The following ZNFX1 variants were observed in gnomAD, a reference collection of about 807,000 sequenced individuals.
ZNFX1 encodes the protein NFX1-type zinc finger-containing protein 1.
In ZNFX1, 78 loss-of-function variants were observed where a neutral mutation model predicts 179.8. The ratio of observed to expected loss-of-function variants is 0.43; its 90% CI spans 0.36 to 0.52. ZNFX1 has a LOEUF of 0.52. Ranked by LOEUF, ZNFX1 falls within the 20% of genes least tolerant of loss-of-function variation. The pLI is 0.00. For synonymous variants in ZNFX1, 848 were observed against 868.5 expected (o/e 0.98, Z 0.42); for missense variants, 1,927 against 2,386.6 (o/e 0.81, Z 4.01).
chr20:49,266,023 G>C, intron 4 of ZNFX1, 112 bp downstream of exon 4: 1 of 1,232,920 alleles, frequency 8.1e-7, no homozygotes, highest in Non-Finnish European at 1.2e-6. Context: ...GGCCATGTAA[G>C]TAATGATAAG....
chr20:49,255,744 G>A, intron 9 of ZNFX1, 64 bp downstream of exon 9: 4 of 1,527,780 alleles, frequency 2.6e-6, no homozygotes, highest in Non-Finnish European at 3.5e-6. Context: ...CTTGGAGGTG[G>A]AGAATGTTCT....
rs1980679426 is a variant in ZNFX1 at position 49,246,673 on chromosome 20, G to C, written c.*594C>G. 2.8e-6 allele frequency: 1 copy of C among 356,212 alleles called. No individual in the cohort carries two copies. Among genetic ancestry groups the C allele is most frequent in the Admixed American group, 3.9e-5 (1 of 25,936 alleles). 22.1% of individuals were successfully genotyped at this position (356,212 alleles called of 1,614,324 possible). A position where few individuals can be genotyped will look rare whatever the true frequency, so the allele number is the denominator to read the frequency against. On this transcript the variant is annotated 3_prime_UTR_variant, in exon 14 of 14. Coordinates refer to ENST00000396105, the MANE Select transcript of ZNFX1 (RefSeq NM_021035.3). Reference sequence around the variant, plus strand: ...AAGTAAAGACCCAGAGATACCACTAGGTGGCCCTAGGTGGAAGCCCCAAAC... The same window carrying C: ...AAGTAAAGACCCAGAGATACCACTACGTGGCCCTAGGTGGAAGCCCCAAAC...
rs1293673384 is a variant in ZNFX1 at position 49,247,233 on chromosome 20, T to C, written c.*34A>G. The C allele has an allele frequency of 2.6e-6, 4 of 1,555,894 alleles. No individual in the cohort carries two copies. The Admixed American group carries it at 7.7e-5, about 30-fold the overall frequency. On this transcript the variant is annotated 3_prime_UTR_variant, in exon 14 of 14. Coordinates refer to ENST00000396105, the MANE Select transcript of ZNFX1 (RefSeq NM_021035.3). The stretch of plus-strand genomic sequence containing the variant: ...TAGGGAGCTGGCCCCAGTCATTCAG[T>C]GGCGAGGGCAAAAGGCAGTGGTGTA...
At position 49,257,523 on chromosome 20, in the gene ZNFX1, T is replaced by A; in HGVS notation, c.2558A>T (p.Glu853Val). The A allele has an allele frequency of 1.2e-6, 2 of 1,613,872 alleles. No homozygotes were observed. The highest frequency in any genetic ancestry group is 1.1e-5 in the South Asian group (1 of 91,062). ...AGCCAACTCCTGGTCTGCTCCACTC[T>A]CTTCCTTCTTCCGCCGCTGGGGCCT... ...VVRPQRRKKE[E>V]SGADQELAKM... Residue 853 changes from glutamate (E) to valine (V), a missense_variant, in exon 8 of 14, where the codon GAG (glutamate) becomes GTG (valine). By Grantham distance (121) the Glu-to-Val change is moderately radical. Transcript: ENST00000396105.
At position 49,260,444 on chromosome 20, in the gene ZNFX1, GA is replaced by G; in HGVS notation, c.2416+18del. The stretch of plus-strand genomic sequence containing the variant: ...ATTCTACGTTAAGATTTGATTCTAG[GA>G]AGACATGCACTTCTTACCTGTATTC... On this transcript the variant is annotated intron_variant, in intron 7 of 13. Coordinates refer to ENST00000396105, the MANE Select transcript of ZNFX1 (RefSeq NM_021035.3). 6.5e-7 allele frequency: 1 copy of G among 1,547,702 alleles called. No homozygotes were observed. The highest frequency in any genetic ancestry group is 8.9e-7 in the Non-Finnish European group (1 of 1,124,848).
intron 13 of ZNFX1, 68 bp from the exon 14 acceptor site, chr20:49,249,779 G>A (rs1171238945): frequency 6.6e-7 from 1 of 1,521,926 alleles, no homozygotes; most frequent in Non-Finnish European, 8.9e-7. Context: ...TTCCTCTCTT[G>A]ACATGCACTG....
Position 49,247,553 on chromosome 20 carries a change from CCAGAGCAGGGAAGGGTGGCTTT to C in ZNFX1, c.5449_5470del (p.Lys1817AlafsTer16), listed in dbSNP as rs1980710079. On this transcript the variant is annotated frameshift_variant, in exon 14 of 14. Transcript: ENST00000396105. LOFTEE classifies it high-confidence loss of function. ...TCGCTCTTCCTCTGAGATGCCCAGG[CCAGAGCAGGGAAGGGTGGCTTT>C]CAGAGCTTCCATCTTTTCCTGCACA... 6.2e-7 allele frequency: 1 copy of C among 1,614,108 alleles called. No homozygotes were observed. The highest frequency in any genetic ancestry group is 1.3e-5 in the African/African-American group (1 of 74,936).
At chr20:49,275,071 A>C (rs1245794176) in intron 2 of ZNFX1, among the ~76,000 whole-genome samples, 3 of 150,752 alleles carry the variant, frequency 2.0e-5, no homozygotes, top group South Asian at 4.2e-4. Flanking sequence ...TGCAGTGAGC[A>C]GAGATCGCGC....
chr20:49,254,843 G>GA (rs1271920319), intron 9 of ZNFX1, among the ~76,000 whole-genome samples, 194 bp from the exon 10 acceptor site: 7 of 152,130 alleles, frequency 4.6e-5, no homozygotes, highest in Non-Finnish European at 1.0e-4. Context: ...AGGAGCTAAG[G>GA]AAAGGGGTGA....
At chr20:49,268,150 CA>C (rs1981289060) in intron 3 of ZNFX1, among the ~76,000 whole-genome samples, 1 of 152,170 alleles carries the variant, frequency 6.6e-6, no homozygotes, top group African/African-American at 2.4e-5. Flanking sequence ...GCTGGGATTA[CA>C]GGTGTGAGCC....
rs529416151 is a variant in ZNFX1, at chr20:49,255,042, C to CTT, written c.2805-395_2805-394dup. ...AAAACTTTCCAACGGCTTTCTACTA[C>CTT]TTTTTTTTTTTTTTTTTTAAAAGAC... On this transcript the variant is annotated intron_variant, in intron 9 of 13. Coordinates refer to ENST00000396105, the MANE Select transcript of ZNFX1 (RefSeq NM_021035.3). 1.4e-3 allele frequency among the ~76,000 whole-genome samples: 188 copies of CTT among 137,120 alleles called. 1 individual carries two copies. Among genetic ancestry groups the CTT allele is most frequent in the South Asian group, 3.9e-3 (17 of 4,356 alleles). 90.0% of individuals were successfully genotyped at this position (137,120 alleles called of 152,430 possible).
chr20:49,270,853 G>A lies in ZNFX1; in HGVS notation c.959C>T (p.Thr320Ile). The A allele has an allele frequency of 1.2e-6, 2 of 1,614,188 alleles. No homozygotes were observed. Among genetic ancestry groups the A allele is most frequent in the South Asian group, 1.1e-5 (1 of 91,080 alleles). ...GTCTTCTGCCTCAGGCTGCACTAGAGTGTAGGTATCCACTCTCAAAGTGCC... is the reference window on the plus strand; with the variant it reads ...GTCTTCTGCCTCAGGCTGCACTAGAATGTAGGTATCCACTCTCAAAGTGCC... ...REGTLRVDTY[T>I]LVQPEAEDHV... Residue 320 changes from threonine (T) to isoleucine (I), a missense_variant, in exon 3 of 14, where the codon ACT becomes ATT. Physicochemically the swap from Thr to Ile is moderately conservative, Grantham distance 89 (BLOSUM62 -1). Coordinates refer to ENST00000396105, the MANE Select transcript of ZNFX1 (RefSeq NM_021035.3). The surrounding 1 kb of genome is among the most constrained non-coding windows in gnomAD (Gnocchi z 4.6).
chr20:49,252,378 G>A (rs1350988970), intron 12 of ZNFX1, among the ~76,000 whole-genome samples: 3 of 151,192 alleles, frequency 2.0e-5, no homozygotes, highest in Non-Finnish European at 4.4e-5. Context: ...CTGACCTCAG[G>A]TGATCTGCCC....
At chr20:49,275,981 T>G in intron 1 of ZNFX1, 94 bp from the exon 2 acceptor site, 1 of 742,066 alleles carries the variant, frequency 1.3e-6, no homozygotes, top group Non-Finnish European at 2.2e-6. Flanking sequence ...TTTGTTAACA[T>G]TTTAATGATT....
intron 1 of ZNFX1, among the ~76,000 whole-genome samples, chr20:49,276,415 C>A (rs927521661): frequency 6.6e-6 from 1 of 152,214 alleles, no homozygotes; most frequent in South Asian, 2.1e-4. Flanking sequence ...TTAGCCTACT[C>A]TTTGGAATGG....
chr20:49,277,662 G>A (rs1326995006), intron 1 of ZNFX1, among the ~76,000 whole-genome samples: 1 of 151,808 alleles, frequency 6.6e-6, no homozygotes, highest in African/African-American at 2.4e-5. Context: ...CAGGGGAGCC[G>A]AAGGGGCGAC....
rs1981229734 is a variant in ZNFX1, at chr20:49,266,231, G to A, written c.1906C>T (p.Leu636Phe). The part of the protein sequence containing the change: ...TYVGLKIVQA[L>F]LTNESVWQIS... ...TGCCAAACAGACTCGTTGGTTAGGA[G>A]GGCCTGAACAATTTTTAGACCCACA... is the stretch of plus-strand genomic sequence containing the variant. The change falls in exon 4 of 14, where the codon CTC (leucine) becomes TTC (phenylalanine). Residue 636 changes from leucine to phenylalanine, a missense_variant. Transcript: ENST00000396105. 1 of 1,611,610 alleles carries A rather than the reference G, an allele frequency of 6.2e-7. No individual in the cohort carries two copies. Among genetic ancestry groups the A allele is most frequent in the Non-Finnish European group, 8.5e-7 (1 of 1,179,320 alleles).
At position 49,248,903 on chromosome 20, in the gene ZNFX1, T is replaced by G. The variant is rs939638098; in HGVS notation, c.4121A>C (p.Glu1374Ala). 1 of 1,614,262 alleles carries G rather than the reference T, an allele frequency of 6.2e-7. No homozygotes were observed. ...SVPESDFCCQ[E>A]PCSKSLRCGH... ...ACATCTCAGAGACTTGGAGCAAGGC[T>G]CCTGGCAGCAGAAATCTGACTCAGG... The change falls in exon 14 of 14, where the codon GAG becomes GCG. Residue 1374 changes from glutamate to alanine, a missense_variant. By Grantham distance (107) the Glu-to-Ala change is moderately radical (BLOSUM62 -1). Transcript: ENST00000396105. This position sits in a 1 kb window ranked among gnomAD's most constrained non-coding sequence, Gnocchi z 4.6.
At chr20:49,268,496 G>T (rs973352950) in intron 3 of ZNFX1, among the ~76,000 whole-genome samples, 114 of 152,046 alleles carry the variant, frequency 7.5e-4, no homozygotes, top group African/African-American at 2.3e-3. Context: ...ACATTCTATT[G>T]CAACAAAACC....
Sources: gnomAD v4.1 joint callset for allele counts (sites outside exome capture counted in the v4.1 genomes callset) on GRCh38, gnomAD v4.1.1 for gene constraint, Gnocchi (gnomAD v3.1) non-coding constraint, MANE v1.5 for transcripts, NCBI Gene and HGNC (gene_info 2026-07-23, HGNC 2026-07-21) for gene names.